The following DHX15 variants were observed in gnomAD, a reference collection of about 807,000 sequenced individuals.
DHX15 encodes the protein DEAH-box helicase 15, also known as ATP-dependent RNA helicase DHX15.
DHX15 carries 11 observed loss-of-function variants against 94.4 expected under a neutral mutation model. That is an observed-to-expected ratio of 0.12 (90% CI 0.07 to 0.19). DHX15 has a LOEUF of 0.19. Among genes scored for constraint, DHX15 ranks in the 10% least tolerant of loss-of-function variants. The probability of loss-of-function intolerance (pLI) is 1.00; values close to 1 mark genes in which losing one functional copy is unlikely to be tolerated. For missense variants in DHX15, 304 were observed against 988.5 expected, an observed-to-expected ratio of 0.31 and a Z score of 9.29; for synonymous variants, 338 against 329.9, an observed-to-expected ratio of 1.02 and a Z score of -0.27.
At chr4:24,548,794 C>A in intron 6 of DHX15, 61 bp downstream of exon 6, 1 of 1,470,176 alleles carries the variant, frequency 6.8e-7, no homozygotes. Context: ...TAACTGAATA[C>A]AGTTTATATC....
At chr4:24,549,848 C>T (rs757756668) in intron 5 of DHX15, among the ~76,000 whole-genome samples, 7 of 151,980 alleles carry the variant, frequency 4.6e-5, no homozygotes, top group Non-Finnish European at 8.8e-5. Context: ...AATCCCAGCA[C>T]TTTGGGAGGC....
At chr4:24,538,260 TCAA>T (rs981055553) in intron 10 of DHX15, 39 of 152,236 alleles carry the variant, frequency 2.6e-4, no homozygotes, top group African/African-American at 5.5e-4. Flanking sequence ...ATGGGAATAA[TCAA>T]CAACAAGATA....
intron 8 of DHX15, among the ~76,000 whole-genome samples, chr4:24,541,317 T>C (rs1721304364): frequency 6.6e-6 from 1 of 152,160 alleles, no homozygotes; most frequent in Admixed American, 6.5e-5. Flanking sequence ...TAGTATGCTA[T>C]ATACACTATA....
intron 1 of DHX15, among the ~76,000 whole-genome samples, chr4:24,578,648 A>G (rs1164029599): frequency 6.6e-6 from 1 of 152,044 alleles, no homozygotes; most frequent in East Asian, 1.9e-4. Context: ...TCACTGCAAT[A>G]TCAAACTTCT....
chr4:24,578,104 TCA>T (rs758327286), intron 1 of DHX15, among the ~76,000 whole-genome samples: 5 of 152,136 alleles, frequency 3.3e-5, no homozygotes, highest in Non-Finnish European at 7.4e-5. Flanking sequence ...TCTACAAAAA[TCA>T]CAGAGCATAC....
chr4:24,543,929 T>C (rs1721370125), intron 6 of DHX15, among the ~76,000 whole-genome samples: 1 of 152,158 alleles, frequency 6.6e-6, no homozygotes, highest in Admixed American at 6.5e-5. Context: ...TTTTACCATT[T>C]GTAAGGGATG....
At chr4:24,557,511 C>CA (rs1721763346) in intron 3 of DHX15, among the ~76,000 whole-genome samples, 1 of 152,120 alleles carries the variant, frequency 6.6e-6, no homozygotes, top group Admixed American at 6.6e-5. Flanking sequence ...TGATAGTGTA[C>CA]AACAAAAAGA....
rs181378560 is a variant in DHX15 at position 24,565,956 on chromosome 4, G to A, written c.701+4698C>T. 7.2e-5 allele frequency among the ~76,000 whole-genome samples: 11 copies of A among 152,140 alleles called. No homozygotes were observed. The East Asian group carries it at 1.9e-3, about 27-fold the overall frequency. On this transcript the variant is annotated intron_variant, in intron 3 of 13. Coordinates refer to ENST00000336812, the MANE Select transcript of DHX15 (RefSeq NM_001358.3). ...ACATAGTTAATGTCACAGCTAATACGTGGGCAGAGCTAGGACAACTCAGAC... is the reference window on the plus strand; with the variant it reads ...ACATAGTTAATGTCACAGCTAATACATGGGCAGAGCTAGGACAACTCAGAC...
chr4:24,548,286 GCACGCGCTAC>G (rs942169243), intron 6 of DHX15, among the ~76,000 whole-genome samples: 13 of 151,980 alleles, frequency 8.6e-5, no homozygotes, highest in Admixed American at 2.6e-4. Context: ...GGAATTACAG[GCACGCGCTAC>G]CACGCCCGGC....
intron 12 of DHX15, among the ~76,000 whole-genome samples, chr4:24,531,237 C>T (rs1046272650): frequency 3.9e-5 from 6 of 151,970 alleles, no homozygotes; most frequent in African/African-American, 1.2e-4. Context: ...TACAGGCACC[C>T]GCCACCGCGC....
chr4:24,572,566 C>A (rs1030148535), intron 2 of DHX15, among the ~76,000 whole-genome samples: 5 of 152,058 alleles, frequency 3.3e-5, no homozygotes, highest in African/African-American at 1.2e-4. Flanking sequence ...ACCGAGGATG[C>A]CAAGCTACTA....
chr4:24,573,033 C>G (rs1446959134), intron 2 of DHX15, among the ~76,000 whole-genome samples: 1 of 152,162 alleles, frequency 6.6e-6, no homozygotes, highest in Non-Finnish European at 1.5e-5. Flanking sequence ...GCCTCAGCCT[C>G]CCAAGTAGCT....
rs1721457593 is a variant in DHX15, at chr4:24,547,827, ATTAAC to A, written c.1248+1023_1248+1027del. Among the ~76,000 whole-genome samples, 5 of 148,944 alleles carry A rather than the reference ATTAAC, an allele frequency of 3.4e-5. No homozygotes were observed. In the South Asian group the frequency reaches 1.1e-3, roughly 31 times the overall value. On this transcript the variant is annotated intron_variant, in intron 6 of 13. Transcript: ENST00000336812. ...AATTAAAGCTTTGCCTGGAGGATGC[ATTAAC>A]TTATTATATAAATATTTAAGACATA... is the stretch of plus-strand genomic sequence containing the variant.
rs1291299725 is a variant in DHX15, at chr4:24,557,947, G to A, written c.702-1537C>T. Among the ~76,000 whole-genome samples, 3 of 148,444 alleles carry A rather than the reference G, an allele frequency of 2.0e-5. No homozygotes were observed. In the East Asian group the frequency reaches 5.9e-4, roughly 29 times the overall value. Reference sequence around the variant, plus strand: ...CTCTATTTGTGAGTTACCTCTCTTAGCTTCAATAGAGCGGTCTGTTGATTT... The same window carrying A: ...CTCTATTTGTGAGTTACCTCTCTTAACTTCAATAGAGCGGTCTGTTGATTT... On this transcript the variant is annotated intron_variant, in intron 3 of 13. Transcript: ENST00000336812.
In DHX15 at chr4:24,576,417, A is replaced by T. The variant is rs752127318; in HGVS notation, c.333T>A (p.Leu111=). The change falls in exon 2 of 14, where the codon CTT becomes CTA. Residue 111 remains leucine (L), a synonymous_variant. Transcript: ENST00000336812. Reference sequence around the variant, plus strand: ...TGGTGAACGGATTAATGCACTGTGGAAGTGACGTGTGACCTGCATGTCCGG... The same window carrying T: ...TGGTGAACGGATTAATGCACTGTGGTAGTGACGTGTGACCTGCATGTCCGG... The part of the protein sequence containing the change: ...THAGHAGHTS[L]PQCINPFTNL... 1 of 1,614,172 alleles carries T rather than the reference A, an allele frequency of 6.2e-7. No individual in the cohort carries two copies. Among genetic ancestry groups the T allele is most frequent in the Non-Finnish European group, 8.5e-7 (1 of 1,180,044 alleles).
intron 11 of DHX15, among the ~76,000 whole-genome samples, chr4:24,536,392 C>T (rs1319560670): frequency 6.6e-6 from 1 of 152,108 alleles, no homozygotes; most frequent in African/African-American, 2.4e-5. Context: ...AAAGAGTATA[C>T]AGTTGCTAAA....
intron 3 of DHX15, among the ~76,000 whole-genome samples, chr4:24,567,885 T>C (rs1258774137): frequency 6.6e-6 from 1 of 152,070 alleles, no homozygotes; most frequent in Non-Finnish European, 1.5e-5. Flanking sequence ...ATAAAAACCA[T>C]TTAGGAGTGG....
chr4:24,558,101 A>T (rs1399385878), intron 3 of DHX15, among the ~76,000 whole-genome samples: 1 of 152,128 alleles, frequency 6.6e-6, no homozygotes, highest in African/African-American at 2.4e-5. Flanking sequence ...ATGGAATCAT[A>T]GTGTAATATT....
intron 6 of DHX15, among the ~76,000 whole-genome samples, chr4:24,545,078 T>G (rs188180348): frequency 7.4e-4 from 113 of 152,228 alleles, no homozygotes; most frequent in Non-Finnish European, 1.3e-3. Flanking sequence ...GGCACAGAAC[T>G]CCACCCTAGG....
Sources: gnomAD v4.1 joint callset for allele counts (sites outside exome capture counted in the v4.1 genomes callset) on GRCh38, gnomAD v4.1.1 for gene constraint, MANE v1.5 for transcripts, NCBI Gene and HGNC (gene_info 2026-07-23, HGNC 2026-07-21) for gene names.